Variants in CAST observed in about 807,000 individuals in gnomAD.
CAST encodes MIR583 host.
CAST carries 76 observed loss-of-function variants against 119.6 expected under a neutral mutation model. That is an observed-to-expected ratio of 0.64 (90% CI 0.53 to 0.77). CAST has a LOEUF of 0.77. Among genes scored for constraint, CAST ranks in the 30% least tolerant of loss-of-function variants. The pLI, the probability that CAST is intolerant of heterozygous loss-of-function variation, is 0.00. For missense variants in CAST, 953 were observed against 946.5 expected (o/e 1.01, Z -0.09); for synonymous variants, 319 against 331.6 (o/e 0.96, Z 0.41).
At chr5:96,167,420 A>G in the CAST span, among the ~76,000 whole-genome samples, 5 of 152,168 alleles carry the variant, frequency 3.3e-5, no homozygotes, top group African/African-American at 1.2e-4. Flanking sequence ...GGTGTCTGGG[A>G]TGAGACTGGG....
intron 1 of CAST, among the ~76,000 whole-genome samples, chr5:96,538,664 G>A (rs538267034): frequency 9.1e-6 from 1 of 109,618 alleles, no homozygotes; most frequent in African/African-American, 3.0e-5. Flanking sequence ...TGCAACATCT[G>A]TTTTTTTAAA....
At chr5:96,016,262 G>T in the CAST span, among the ~76,000 whole-genome samples, 9 of 152,136 alleles carry the variant, frequency 5.9e-5, no homozygotes, top group Non-Finnish European at 1.3e-4. Context: ...TTTTTTCTCT[G>T]GTTGAACCAT....
At chr5:96,182,759 C>T in the CAST span, among the ~76,000 whole-genome samples, 3 of 152,198 alleles carry the variant, frequency 2.0e-5, no homozygotes, top group East Asian at 5.8e-4. Flanking sequence ...CAACAGTCTA[C>T]TTTTCTTCCA....
chr5:96,223,709 T>C, the CAST span, among the ~76,000 whole-genome samples: 2 of 152,220 alleles, frequency 1.3e-5, no homozygotes, highest in South Asian at 2.1e-4. Flanking sequence ...AATACATGGC[T>C]GCAGGTGTTC....
At chr5:96,234,014 C>A in the CAST span, among the ~76,000 whole-genome samples, 1 of 151,946 alleles carries the variant, frequency 6.6e-6, no homozygotes, top group African/African-American at 2.4e-5. Flanking sequence ...TAAATTAGAT[C>A]CTTTGGTTAG....
At chr5:96,430,303 C>T in the CAST span, among the ~76,000 whole-genome samples, 7 of 152,156 alleles carry the variant, frequency 4.6e-5, no homozygotes, top group Non-Finnish European at 8.8e-5. Context: ...CTCTAGGTAA[C>T]CCTGCATTTT....
chr5:96,664,048 C>G (rs989976994), intron 1 of CAST, among the ~76,000 whole-genome samples: 1 of 151,278 alleles, frequency 6.6e-6, no homozygotes, highest in East Asian at 1.9e-4. Flanking sequence ...ATGTCTTTTT[C>G]TCTCTTGGCA....
At chr5:96,717,773 G>C (rs567340772) in intron 3 of CAST, among the ~76,000 whole-genome samples, 2 of 152,298 alleles carry the variant, frequency 1.3e-5, no homozygotes, top group South Asian at 4.1e-4. Flanking sequence ...ATGGGGTCAT[G>C]ATGAGAGAGG....
chr5:96,548,171 G>C (rs563437340), intron 1 of CAST, among the ~76,000 whole-genome samples: 1 of 152,160 alleles, frequency 6.6e-6, no homozygotes, highest in Admixed American at 6.5e-5. Flanking sequence ...ATCACCATAG[G>C]TCCTCTAAGA....
At chr5:96,042,338 T>A in the CAST span, among the ~76,000 whole-genome samples, 1 of 152,194 alleles carries the variant, frequency 6.6e-6, no homozygotes, top group African/African-American at 2.4e-5. Flanking sequence ...TCTCTTGCAA[T>A]GGAAAAAGTT....
chr5:96,042,039 C>A, the CAST span, among the ~76,000 whole-genome samples: 1 of 152,096 alleles, frequency 6.6e-6, no homozygotes, highest in African/African-American at 2.4e-5. Context: ...GTCCTTCTGG[C>A]CTTGAACTTG....
At chr5:96,372,562 T>A in the CAST span, among the ~76,000 whole-genome samples, 4,644 of 152,244 alleles carry the variant, frequency 0.031, 238 homozygotes, top group African/African-American at 0.1. Context: ...TGTAATACCA[T>A]GGGACTTAGG....
At chr5:96,408,084 G>A in the CAST span, 2,093 of 699,334 alleles carry the variant, frequency 3.0e-3, 43 homozygotes, top group African/African-American at 0.031. Context: ...TAGTGACCTC[G>A]AAGTGGCAGG....
intron 3 of CAST, among the ~76,000 whole-genome samples, chr5:96,704,173 G>T (rs1422363234): frequency 6.6e-6 from 1 of 152,204 alleles, no homozygotes; most frequent in Non-Finnish European, 1.5e-5. Flanking sequence ...TTACGAATCA[G>T]CATGCTTTGT....
chr5:96,322,972 A>G, the CAST span, among the ~76,000 whole-genome samples: 2 of 152,120 alleles, frequency 1.3e-5, no homozygotes, highest in Admixed American at 6.5e-5. Context: ...TTCTTCCCAC[A>G]TGTTGCTTTT....
the CAST span, among the ~76,000 whole-genome samples, chr5:96,208,466 G>A: frequency 6.6e-5 from 10 of 151,958 alleles, no homozygotes; most frequent in East Asian, 7.7e-4. Flanking sequence ...GGTGTTTGAT[G>A]TTATAAACTT....
intron 1 of CAST, among the ~76,000 whole-genome samples, chr5:96,626,548 T>C (rs1169237079): frequency 6.6e-6 from 1 of 152,172 alleles, no homozygotes; most frequent in Non-Finnish European, 1.5e-5. Flanking sequence ...TCCTGTTTCC[T>C]GATTCCTCTG....
the CAST span, among the ~76,000 whole-genome samples, chr5:96,341,266 T>TA: frequency 6.6e-6 from 1 of 152,150 alleles, no homozygotes; most frequent in Non-Finnish European, 1.5e-5. Flanking sequence ...GTTTTCATCT[T>TA]AAAAAATGTT....
At chr5:96,082,460 A>T in the CAST span, among the ~76,000 whole-genome samples, 1 of 152,144 alleles carries the variant, frequency 6.6e-6, no homozygotes, top group South Asian at 2.1e-4. Flanking sequence ...TCATTCATTC[A>T]CACTCTAGGT....
Sources: allele counts gnomAD v4.1 joint callset (sites outside exome capture counted in the v4.1 genomes callset), GRCh38; gene constraint gnomAD v4.1.1; transcripts MANE v1.5; gene names NCBI Gene and HGNC (gene_info 2026-07-23, HGNC 2026-07-21).